The following OXR1 variants were observed in gnomAD, a reference collection of about 807,000 sequenced individuals.
The protein encoded by OXR1 is oxidation resistance 1, also known as oxidation resistance protein 1.
In OXR1, 41 loss-of-function variants were observed where a neutral mutation model predicts 104.6. That is an observed-to-expected ratio of 0.39 (90% CI 0.31 to 0.51). The LOEUF (loss-of-function observed/expected upper bound fraction) is 0.51. Ranked by LOEUF, OXR1 falls within the 20% of genes least tolerant of loss-of-function variation. The pLI is 0.77. For synonymous variants in OXR1, 348 were observed against 348.4 expected (o/e 1.00, Z 0.01); for missense variants, 955 against 1,031.9 (o/e 0.93, Z 1.02).
At chr8:106,377,478 G>A (rs907482188) in intron 2 of OXR1, among the ~76,000 whole-genome samples, 7 of 152,142 alleles carry the variant, frequency 4.6e-5, no homozygotes, top group African/African-American at 1.4e-4. Context: ...GAGCTATGGC[G>A]ACTGACCTAA....
At chr8:106,322,161 C>T (rs1458891556) in intron 1 of OXR1, among the ~76,000 whole-genome samples, 1 of 152,102 alleles carries the variant, frequency 6.6e-6, no homozygotes, top group Non-Finnish European at 1.5e-5. Context: ...AAAATACTTG[C>T]AAACAGAATC....
At chr8:106,415,449 C>T (rs192013927) in intron 2 of OXR1, among the ~76,000 whole-genome samples, 27 of 152,010 alleles carry the variant, frequency 1.8e-4, no homozygotes, top group African/African-American at 6.5e-4. Context: ...GAGTAAGCTA[C>T]ATAAAAACAT....
At chr8:106,695,302 A>G (rs1251207823) in intron 7 of OXR1, among the ~76,000 whole-genome samples, 1 of 151,878 alleles carries the variant, frequency 6.6e-6, no homozygotes, top group Non-Finnish European at 1.5e-5. Flanking sequence ...AAGGACTTCT[A>G]AATTTCTTAC....
At chr8:106,491,008 A>T (rs570220635) in intron 2 of OXR1, among the ~76,000 whole-genome samples, 1 of 152,318 alleles carries the variant, frequency 6.6e-6, no homozygotes, top group East Asian at 1.9e-4. Flanking sequence ...TGGGTGTCCT[A>T]TCTGCCTTTA....
At chr8:106,727,106 T>C (rs1319281677) in intron 11 of OXR1, among the ~76,000 whole-genome samples, 2 of 152,194 alleles carry the variant, frequency 1.3e-5, no homozygotes, top group Non-Finnish European at 1.5e-5. Flanking sequence ...CATTTATATG[T>C]TACATCAGCA....
At chr8:106,649,332 A>G (rs1370179261) in intron 3 of OXR1, among the ~76,000 whole-genome samples, 1 of 152,112 alleles carries the variant, frequency 6.6e-6, no homozygotes, top group Non-Finnish European at 1.5e-5. Flanking sequence ...ATATATGCAT[A>G]CAAAATTTAC....
At position 106,692,712 on chromosome 8, in the gene OXR1, T is replaced by TAAAAA. The variant is rs750764834; in HGVS notation, c.526-6_526-2dup. 21 of 1,168,334 alleles carry TAAAAA rather than the reference T, an allele frequency of 1.8e-5. No individual in the cohort carries two copies. The East Asian group carries it at 5.7e-4, about 32-fold the overall frequency. 72.4% of individuals were successfully genotyped at this position (1,168,334 alleles called of 1,614,324 possible). A position where few individuals can be genotyped will look rare whatever the true frequency, so the allele number is the denominator to read the frequency against. ...TTTCTGCTTTTTTTTTTCTTTCCTT[T>TAAAAA]AAAAAAAAAAAAAAGAATCCTGATG... On this transcript the variant is annotated splice_polypyrimidine_tract_variant and intron_variant, in intron 6 of 16. Transcript: ENST00000517566.
At chr8:106,335,102 G>C (rs571561967) in intron 1 of OXR1, among the ~76,000 whole-genome samples, 1 of 149,364 alleles carries the variant, frequency 6.7e-6, no homozygotes, top group South Asian at 2.1e-4. Flanking sequence ...TCACAAACAT[G>C]CCATTCTCTC....
intron 1 of OXR1, among the ~76,000 whole-genome samples, chr8:106,335,178 T>C (rs1212864058): frequency 6.6e-6 from 1 of 152,196 alleles, no homozygotes; most frequent in Non-Finnish European, 1.5e-5. Context: ...CCCTCATCTA[T>C]GGTGCCTCAA....
intron 2 of OXR1, among the ~76,000 whole-genome samples, chr8:106,424,554 A>G (rs976686793): frequency 1.3e-5 from 2 of 152,040 alleles, no homozygotes; most frequent in African/African-American, 4.8e-5. Flanking sequence ...ATTGTTTCTA[A>G]TTTTTCACTT....
chr8:106,469,008 GTGTGTTGT>G (rs1406753978), intron 2 of OXR1, among the ~76,000 whole-genome samples: 9,425 of 118,544 alleles, frequency 0.08, 358 homozygotes, highest in Non-Finnish European at 0.094. Context: ...TTGTTTGTTT[GTGTGTTGT>G]TGTTGTTGTT....
intron 2 of OXR1, among the ~76,000 whole-genome samples, chr8:106,438,573 C>G (rs1819668607): frequency 6.6e-6 from 1 of 152,074 alleles, no homozygotes; most frequent in Admixed American, 6.6e-5. Flanking sequence ...GGGTTTCCTG[C>G]TTTGGAACTG....
chr8:106,396,393 A>T (rs1001258996), intron 2 of OXR1, among the ~76,000 whole-genome samples: 4 of 152,032 alleles, frequency 2.6e-5, no homozygotes, highest in Non-Finnish European at 5.9e-5. Flanking sequence ...TGTGCGGAGG[A>T]GGGTGCCTCA....
chr8:106,359,369 G>T, intron 1 of OXR1, 107 bp from the exon 2 acceptor site: 5 of 419,174 alleles, frequency 1.2e-5, no homozygotes, highest in African/African-American at 2.0e-5. Flanking sequence ...CATATTTTTT[G>T]TGTGTATCTT....
chr8:106,488,455 T>C (rs555480656), intron 2 of OXR1, among the ~76,000 whole-genome samples: 2 of 151,694 alleles, frequency 1.3e-5, no homozygotes, highest in African/African-American at 2.4e-5. Context: ...ATTTTGTCTT[T>C]TGTTGCCATT....
intron 3 of OXR1, among the ~76,000 whole-genome samples, chr8:106,610,488 A>G (rs1820731763): frequency 6.6e-6 from 1 of 152,138 alleles, no homozygotes; most frequent in Non-Finnish European, 1.5e-5. Flanking sequence ...TACAATTACA[A>G]TGCATGTGAA....
At chr8:106,571,611 A>G (rs183602277) in intron 3 of OXR1, among the ~76,000 whole-genome samples, 1 of 152,202 alleles carries the variant, frequency 6.6e-6, no homozygotes, top group East Asian at 1.9e-4. Context: ...TTCCATCCCA[A>G]CAGCCCCCAA....
intron 1 of OXR1, among the ~76,000 whole-genome samples, chr8:106,351,946 T>TA (rs1815744086): frequency 6.6e-6 from 1 of 152,212 alleles, no homozygotes; most frequent in Admixed American, 6.5e-5. Context: ...AGCTCACAGT[T>TA]ACCAATAAGC....
At chr8:106,454,576 A>G (rs1820500139) in intron 2 of OXR1, among the ~76,000 whole-genome samples, 1 of 152,242 alleles carries the variant, frequency 6.6e-6, no homozygotes, top group Non-Finnish European at 1.5e-5. Flanking sequence ...AGGTAGTGAC[A>G]ACATCAAAAC....
Sources: gnomAD v4.1 joint callset for allele counts (sites outside exome capture counted in the v4.1 genomes callset) on GRCh38, gnomAD v4.1.1 for gene constraint, MANE v1.5 for transcripts, NCBI Gene and HGNC (gene_info 2026-07-23, HGNC 2026-07-21) for gene names.